Variants in RIMS2 observed in about 807,000 individuals in gnomAD.
RIMS2 encodes regulating synaptic membrane exocytosis 2, also known as regulating synaptic membrane exocytosis protein 2.
RIMS2 carries 59 observed loss-of-function variants against 174.4 expected under a neutral mutation model. The observed-to-expected ratio is 0.34, with a 90% confidence interval of 0.27 to 0.42. The LOEUF (loss-of-function observed/expected upper bound fraction) is 0.42. RIMS2 is among the 10% of genes least tolerant of loss of function. The pLI, the probability that RIMS2 is intolerant of heterozygous loss-of-function variation, is 1.00. For missense variants in RIMS2, 1,620 were observed against 1,666.3 expected (o/e 0.97, Z 0.48); for synonymous variants, 606 against 572.5 (o/e 1.06, Z -0.84).
chr8:104,199,076 T>C (rs572839036), intron 19 of RIMS2, among the ~76,000 whole-genome samples: 1 of 134,006 alleles, frequency 7.5e-6, no homozygotes, highest in Admixed American at 7.6e-5. Context: ...TTTTATTTTA[T>C]TTTGAGACGG....
chr8:103,607,640 A>G lies in RIMS2; in HGVS notation c.177-89446A>G, dbSNP rs535674215. On this transcript the variant is annotated intron_variant, in intron 1 of 23. Transcript: ENST00000504942. Reference sequence around the variant, plus strand: ...CTCCCCATCACTTTCAGGTACACCAATCAGACGTAGATTTGGTCTTTTCAC... The same window carrying G: ...CTCCCCATCACTTTCAGGTACACCAGTCAGACGTAGATTTGGTCTTTTCAC... Among the ~76,000 whole-genome samples the G allele has an allele frequency of 2.6e-4, 37 of 141,670 alleles. No individual in the cohort carries two copies. In the South Asian group the frequency reaches 5.7e-3, roughly 22 times the overall value. 92.9% of individuals were successfully genotyped at this position (141,670 alleles called of 152,430 possible).
chr8:104,036,144 T>A (rs1450044958), intron 19 of RIMS2, among the ~76,000 whole-genome samples: 1 of 150,768 alleles, frequency 6.6e-6, no homozygotes, highest in Non-Finnish European at 1.5e-5. Context: ...TTTATTTATT[T>A]ATTTATTTAT....
At chr8:104,190,674 A>G (rs1199121706) in intron 19 of RIMS2, among the ~76,000 whole-genome samples, 1 of 152,116 alleles carries the variant, frequency 6.6e-6, no homozygotes, top group East Asian at 1.9e-4. Flanking sequence ...GCATTGATGT[A>G]GAGTGGGCTA....
At chr8:103,900,921 T>G (rs936586148) in intron 4 of RIMS2, among the ~76,000 whole-genome samples, 1 of 152,154 alleles carries the variant, frequency 6.6e-6, no homozygotes, top group African/African-American at 2.4e-5. Flanking sequence ...ATTTTTGTTT[T>G]GATTATATAG....
At chr8:103,643,097 C>T (rs2135575359) in intron 1 of RIMS2, among the ~76,000 whole-genome samples, 1 of 151,890 alleles carries the variant, frequency 6.6e-6, no homozygotes, top group Non-Finnish European at 1.5e-5. Flanking sequence ...CCATCTTTTT[C>T]ACTCTTTTGT....
chr8:103,826,704 A>G (rs891567325), intron 3 of RIMS2, among the ~76,000 whole-genome samples: 1 of 149,386 alleles, frequency 6.7e-6, no homozygotes, highest in Admixed American at 6.7e-5. Flanking sequence ...ATATATGTAT[A>G]TATTATATAC....
intron 19 of RIMS2, among the ~76,000 whole-genome samples, chr8:104,181,871 A>T (rs2098942095): frequency 6.6e-6 from 1 of 151,630 alleles, no homozygotes; most frequent in South Asian, 2.1e-4. Context: ...ATAGCCTTTT[A>T]TTTCCCCTTA....
chr8:103,757,182 G>A (rs2098031771), intron 2 of RIMS2, among the ~76,000 whole-genome samples: 1 of 151,978 alleles, frequency 6.6e-6, no homozygotes, highest in African/African-American at 2.4e-5. Context: ...TATAAAATAG[G>A]ATATAGAGGT....
intron 19 of RIMS2, among the ~76,000 whole-genome samples, chr8:104,058,433 A>C (rs1307348568): frequency 2.7e-5 from 4 of 150,264 alleles, no homozygotes; most frequent in Non-Finnish European, 4.4e-5. Flanking sequence ...TTTTTCTTGT[A>C]AATTTGTTTG....
At chr8:104,103,367 GGT>G (rs1442935375) in intron 19 of RIMS2, among the ~76,000 whole-genome samples, 1 of 151,976 alleles carries the variant, frequency 6.6e-6, no homozygotes, top group Non-Finnish European at 1.5e-5. Flanking sequence ...ACTTTAAAAG[GGT>G]GTGTTTTATC....
chr8:103,544,531 G>C (rs540858842), intron 1 of RIMS2, among the ~76,000 whole-genome samples: 9 of 152,340 alleles, frequency 5.9e-5, no homozygotes, highest in Non-Finnish European at 8.8e-5. Context: ...TGGCAGGGCA[G>C]GCAACTCTAC....
At chr8:103,854,110 G>A (rs2099013883) in intron 3 of RIMS2, among the ~76,000 whole-genome samples, 1 of 152,048 alleles carries the variant, frequency 6.6e-6, no homozygotes, top group African/African-American at 2.4e-5. Context: ...TTGGTTAGCT[G>A]TGTTCCTAGA....
intron 19 of RIMS2, among the ~76,000 whole-genome samples, chr8:104,063,664 T>C (rs909939680): frequency 2.0e-5 from 3 of 152,168 alleles, no homozygotes; most frequent in Non-Finnish European, 2.9e-5. Context: ...TGAGTTTGCA[T>C]ATTGGGCTTA....
At chr8:103,769,383 C>G (rs2098221525) in intron 3 of RIMS2, among the ~76,000 whole-genome samples, 1 of 152,044 alleles carries the variant, frequency 6.6e-6, no homozygotes, top group African/African-American at 2.4e-5. Context: ...GAGTGCAGTG[C>G]CATGATCTCA....
intron 1 of RIMS2, among the ~76,000 whole-genome samples, chr8:103,584,377 C>T (rs1443484950): frequency 2.0e-5 from 3 of 151,974 alleles, no homozygotes; most frequent in African/African-American, 7.2e-5. Context: ...CATTAATGAG[C>T]AATAAATAAT....
At chr8:103,570,277 C>T (rs1181261170) in intron 1 of RIMS2, among the ~76,000 whole-genome samples, 1 of 152,004 alleles carries the variant, frequency 6.6e-6, no homozygotes, top group Non-Finnish European at 1.5e-5. Flanking sequence ...AGCACATTCT[C>T]CACAAAGAAT....
chr8:104,168,371 C>A (rs2098810267), intron 19 of RIMS2, among the ~76,000 whole-genome samples: 1 of 152,008 alleles, frequency 6.6e-6, no homozygotes, highest in Non-Finnish European at 1.5e-5. Flanking sequence ...TTGTAGAGAT[C>A]TTTCACTTCC....
intron 19 of RIMS2, among the ~76,000 whole-genome samples, chr8:104,028,319 C>T (rs1008046018): frequency 2.6e-5 from 4 of 151,998 alleles, no homozygotes; most frequent in African/African-American, 9.7e-5. Context: ...TTAGTTAAGT[C>T]TCCATGAATA....
rs778544122 is a variant in RIMS2, at chr8:104,213,888, A to AAAAG, written c.3335-31026_3335-31025insAGAA. Among the ~76,000 whole-genome samples the AAAAG allele has an allele frequency of 3.4e-3, 507 of 148,156 alleles. 1 individual carries two copies. Among genetic ancestry groups the AAAAG allele is most frequent in the Non-Finnish European group, 5.3e-3 (359 of 67,574 alleles). Reference sequence around the variant, plus strand: ...GAGACTCTGCCTCGGAAAAAAAAAAAAAGAAGAAGAAGAAGAAGAAGAAGA... The same window carrying AAAAG: ...GAGACTCTGCCTCGGAAAAAAAAAAAAAAGAAGAAGAAGAAGAAGAAGAAGAAGA... On this transcript the variant is annotated intron_variant, in intron 19 of 23. Transcript: ENST00000504942.
Sources: gnomAD v4.1 joint callset for allele counts (sites outside exome capture counted in the v4.1 genomes callset) on GRCh38, gnomAD v4.1.1 for gene constraint, MANE v1.5 for transcripts, NCBI Gene and HGNC (gene_info 2026-07-23, HGNC 2026-07-21) for gene names.